The following SEMA5A variants were observed in gnomAD, a reference collection of about 807,000 sequenced individuals.
SEMA5A encodes semaphorin-5A.
In SEMA5A, 55 loss-of-function variants were observed where a neutral mutation model predicts 135.5. The observed-to-expected ratio is 0.41, with a 90% CI of 0.33 to 0.51. The LOEUF (loss-of-function observed/expected upper bound fraction) is 0.51. Ranked by LOEUF, SEMA5A falls within the 20% of genes least tolerant of loss-of-function variation. The probability of loss-of-function intolerance (pLI) is 0.37; values close to 1 mark genes in which losing one functional copy is unlikely to be tolerated. For synonymous variants in SEMA5A, 580 were observed against 546.5 expected, an observed-to-expected ratio of 1.06 and a Z score of -0.85; for missense variants, 1,290 against 1,419.9, an observed-to-expected ratio of 0.91 and a Z score of 1.47.
intron 5 of SEMA5A, among the ~76,000 whole-genome samples, chr5:9,315,382 A>T (rs1481593697): frequency 6.6e-6 from 1 of 152,216 alleles, no homozygotes; most frequent in Non-Finnish European, 1.5e-5. Context: ...CCTATATTAC[A>T]GTTATCAAAA....
At chr5:9,440,053 G>T (rs1758177591) in intron 1 of SEMA5A, among the ~76,000 whole-genome samples, 1 of 152,234 alleles carries the variant, frequency 6.6e-6, no homozygotes, top group Non-Finnish European at 1.5e-5. Flanking sequence ...GTCAGCCCTT[G>T]CCTGGGGAAG....
At chr5:9,206,518 A>G (rs935707332) in intron 8 of SEMA5A, among the ~76,000 whole-genome samples, 17 of 152,126 alleles carry the variant, frequency 1.1e-4, no homozygotes, top group Admixed American at 6.5e-4. Flanking sequence ...TGAGAATCCA[A>G]AAGAAGCCTC....
At chr5:9,108,470 T>G (rs1291700850) in intron 15 of SEMA5A, among the ~76,000 whole-genome samples, 183 bp from the exon 16 acceptor site, 1 of 152,158 alleles carries the variant, frequency 6.6e-6, no homozygotes, top group Non-Finnish European at 1.5e-5. Context: ...ATGCTGTGTG[T>G]GCACAGACAA....
chr5:9,298,836 T>G (rs893497755), intron 5 of SEMA5A, among the ~76,000 whole-genome samples: 1 of 152,192 alleles, frequency 6.6e-6, no homozygotes, highest in African/African-American at 2.4e-5. Flanking sequence ...TCGTCAAACA[T>G]TTTAAAATAC....
intron 2 of SEMA5A, among the ~76,000 whole-genome samples, chr5:9,417,331 G>T (rs1436731862): frequency 1.3e-5 from 2 of 152,310 alleles, no homozygotes; most frequent in Non-Finnish European, 2.9e-5. Flanking sequence ...TTTATACATA[G>T]AATATAGTTA....
rs181830436 is a variant in SEMA5A, at chr5:9,444,339, G to A, written c.-174-6487C>T. Reference sequence around the variant, plus strand: ...ATTTGTAGTCTTTTATCCCTCACCCGCTTTCCACCCTTTCCCCTGAGTCCC... The same window carrying A: ...ATTTGTAGTCTTTTATCCCTCACCCACTTTCCACCCTTTCCCCTGAGTCCC... On this transcript the variant is annotated intron_variant, in intron 1 of 22. Transcript: ENST00000382496. Among the ~76,000 whole-genome samples, 25 of 151,926 alleles carry A rather than the reference G, an allele frequency of 1.6e-4. No homozygotes were observed. In the East Asian group the frequency reaches 1.7e-3, roughly 11 times the overall value.
intron 5 of SEMA5A, among the ~76,000 whole-genome samples, chr5:9,249,037 AT>A (rs1224268400): frequency 6.6e-6 from 1 of 152,220 alleles, no homozygotes; most frequent in Non-Finnish European, 1.5e-5. Context: ...GTTTAGGAGC[AT>A]GGGGTGGACA....
At chr5:9,421,679 G>A (rs1757474030) in intron 2 of SEMA5A, among the ~76,000 whole-genome samples, 1 of 152,092 alleles carries the variant, frequency 6.6e-6, no homozygotes, top group African/African-American at 2.4e-5. Context: ...ATCCTTACCT[G>A]TCATGGGTGT....
chr5:9,238,742 T>C (rs953671399), intron 5 of SEMA5A, among the ~76,000 whole-genome samples: 2 of 151,996 alleles, frequency 1.3e-5, no homozygotes, highest in East Asian at 3.9e-4. Flanking sequence ...GTGTGAACTT[T>C]TATAGGGTAA....
At chr5:9,099,218 A>G (rs1560913689) in intron 16 of SEMA5A, among the ~76,000 whole-genome samples, 1 of 152,160 alleles carries the variant, frequency 6.6e-6, no homozygotes, top group Non-Finnish European at 1.5e-5. Context: ...AAATTTTAGA[A>G]AACTTATACT....
chr5:9,093,622 G>C (rs1421370268), intron 16 of SEMA5A, among the ~76,000 whole-genome samples: 1 of 152,026 alleles, frequency 6.6e-6, no homozygotes, highest in African/African-American at 2.4e-5. Flanking sequence ...CAGGAGAATC[G>C]GTTGAGCTCG....
At chr5:9,522,605 G>A (rs1190420868) in intron 1 of SEMA5A, 2 of 151,968 alleles carry the variant, frequency 1.3e-5, no homozygotes, top group African/African-American at 4.8e-5. Context: ...AAAAAGGAGG[G>A]GTAAAGAGTA....
chr5:9,315,692 T>C lies in SEMA5A; in HGVS notation c.270+2680A>G, dbSNP rs1044407327. On this transcript the variant is annotated intron_variant, in intron 5 of 22. Transcript: ENST00000382496. ...TTCCTCATGATAAAGTTATTAGTTA[T>C]AATTTTGGTTATAATTTTTGGCTGA... 6.6e-5 allele frequency among the ~76,000 whole-genome samples: 10 copies of C among 152,294 alleles called. No homozygotes were observed. In the East Asian group the frequency reaches 9.6e-4, roughly 15 times the overall value.
chr5:9,278,981 T>C (rs1406962511), intron 5 of SEMA5A, among the ~76,000 whole-genome samples: 1 of 152,158 alleles, frequency 6.6e-6, no homozygotes, highest in Non-Finnish European at 1.5e-5. Flanking sequence ...GGACTCCCCA[T>C]TGGAACACTG....
intron 5 of SEMA5A, chr5:9,280,810 G>T (rs1750503360): frequency 4.7e-6 from 2 of 429,450 alleles, no homozygotes; most frequent in Admixed American, 5.1e-5. Flanking sequence ...CCTCAGACCT[G>T]GAAGGAAATT....
At chr5:9,275,733 C>A (rs894542682) in intron 5 of SEMA5A, among the ~76,000 whole-genome samples, 24 of 152,154 alleles carry the variant, frequency 1.6e-4, no homozygotes, top group African/African-American at 5.5e-4. Flanking sequence ...TGAGAAAAAA[C>A]ACATGATTAT....
chr5:9,391,836 A>C (rs1407486117), intron 2 of SEMA5A, among the ~76,000 whole-genome samples: 2 of 152,108 alleles, frequency 1.3e-5, no homozygotes, highest in Non-Finnish European at 2.9e-5. Context: ...CTGTTCAAAA[A>C]TTTCCAATAG....
At chr5:9,246,817 G>C (rs1047951361) in intron 5 of SEMA5A, among the ~76,000 whole-genome samples, 36 of 152,156 alleles carry the variant, frequency 2.4e-4, no homozygotes, top group African/African-American at 8.7e-4. Context: ...AGCCTGCCTT[G>C]AAAATACTTT....
intron 11 of SEMA5A, among the ~76,000 whole-genome samples, chr5:9,169,947 G>A (rs1743822759): frequency 6.6e-6 from 1 of 152,174 alleles, no homozygotes; most frequent in African/African-American, 2.4e-5. Context: ...AACTTCCAAA[G>A]GTTTTCTGAT....
Sources: gnomAD v4.1 joint callset for allele counts (sites outside exome capture counted in the v4.1 genomes callset) on GRCh38, gnomAD v4.1.1 for gene constraint, MANE v1.5 for transcripts, NCBI Gene and HGNC (gene_info 2026-07-23, HGNC 2026-07-21) for gene names.